PLS1: variants seen among roughly 807,000 people sequenced by gnomAD.
PLS1 encodes plastin-1.
Under a neutral mutation model 73.7 loss-of-function variants are expected in PLS1, and 32 were observed. The observed-to-expected ratio is 0.43, with a 90% CI of 0.33 to 0.58. The LOEUF is 0.58. Ranked by LOEUF, PLS1 falls within the 20% of genes least tolerant of loss-of-function variation. The pLI is 0.04. For missense variants in PLS1, 633 were observed against 740.5 expected (o/e 0.85, Z 1.68); for synonymous variants, 217 against 261.3 (o/e 0.83, Z 1.63).
chr3:142,635,269 A>G (rs1387083773), intron 1 of PLS1, among the ~76,000 whole-genome samples: 1 of 152,118 alleles, frequency 6.6e-6, no homozygotes, highest in Non-Finnish European at 1.5e-5. Context: ...AAGAAAAAAG[A>G]GGAAAAAAGA....
chr3:142,611,738 T>C (rs557195133), intron 1 of PLS1, among the ~76,000 whole-genome samples: 2 of 152,334 alleles, frequency 1.3e-5, no homozygotes, highest in South Asian at 4.1e-4. Context: ...TTGAGGACCA[T>C]TGATTTTATG....
At chr3:142,683,096 A>C (rs1316615444) in intron 6 of PLS1, among the ~76,000 whole-genome samples, 1 of 152,244 alleles carries the variant, frequency 6.6e-6, no homozygotes, top group Non-Finnish European at 1.5e-5. Context: ...GAAGCTGCTG[A>C]AATATTCACT....
At chr3:142,667,707 C>T (rs1470793670) in intron 2 of PLS1, among the ~76,000 whole-genome samples, 2 of 152,062 alleles carry the variant, frequency 1.3e-5, no homozygotes, top group African/African-American at 2.4e-5. Context: ...TTAACATGAT[C>T]GTTATTAGGC....
chr3:142,666,044 T>C (rs1043607779), intron 2 of PLS1, among the ~76,000 whole-genome samples: 3 of 152,156 alleles, frequency 2.0e-5, no homozygotes, highest in African/African-American at 7.2e-5. Flanking sequence ...TGCTAATTTG[T>C]AGCACACTTT....
chr3:142,626,360 T>C (rs1560036029), intron 1 of PLS1, among the ~76,000 whole-genome samples: 1 of 152,194 alleles, frequency 6.6e-6, no homozygotes, highest in Non-Finnish European at 1.5e-5. Flanking sequence ...GTTTGAGTGC[T>C]GTCTACATCA....
intron 1 of PLS1, among the ~76,000 whole-genome samples, chr3:142,651,462 CAAAAAAAAAAAAAA>C (rs57909380): frequency 9.8e-6 from 1 of 102,290 alleles, no homozygotes; most frequent in Non-Finnish European, 1.9e-5. Context: ...AACTCTGTCT[CAAAAAAAAAAAAAA>C]AAAAAAAAAA....
intron 1 of PLS1, among the ~76,000 whole-genome samples, chr3:142,615,608 G>A (rs183074484): frequency 1.3e-5 from 2 of 152,150 alleles, no homozygotes; most frequent in East Asian, 3.9e-4. Context: ...GTGTCCAAAT[G>A]GCCTTCCTAA....
intron 1 of PLS1, among the ~76,000 whole-genome samples, chr3:142,599,323 CTTTTTTTTTT>C (rs869303176): frequency 2.3e-5 from 1 of 44,208 alleles, no homozygotes; most frequent in Non-Finnish European, 4.9e-5. Flanking sequence ...CTCAGATATT[CTTTTTTTTTT>C]TTTTTTTTTT....
At chr3:142,619,744 T>C (rs1317408366) in intron 1 of PLS1, 2 of 152,214 alleles carry the variant, frequency 1.3e-5, no homozygotes, top group African/African-American at 4.8e-5. Context: ...TATTGTGTCC[T>C]TAGAATATTC....
At chr3:142,662,320 A>G (rs2107821868) in intron 1 of PLS1, among the ~76,000 whole-genome samples, 1 of 152,238 alleles carries the variant, frequency 6.6e-6, no homozygotes, top group South Asian at 2.1e-4. Context: ...AGAACGGAAA[A>G]CCATTCTCAC....
At chr3:142,699,961 T>C (rs2038292652) in intron 12 of PLS1, among the ~76,000 whole-genome samples, 1 of 152,200 alleles carries the variant, frequency 6.6e-6, no homozygotes, top group South Asian at 2.1e-4. Flanking sequence ...AGAAAATTTA[T>C]TGACTAATTT....
At chr3:142,708,448 G>C (rs997235320) in intron 14 of PLS1, among the ~76,000 whole-genome samples, 2 of 152,106 alleles carry the variant, frequency 1.3e-5, no homozygotes, top group Non-Finnish European at 2.9e-5. Flanking sequence ...GGGTTTCACC[G>C]TGTTAGCCAG....
chr3:142,681,041 G>T (rs2107879049), intron 6 of PLS1, among the ~76,000 whole-genome samples: 1 of 152,216 alleles, frequency 6.6e-6, no homozygotes, highest in Non-Finnish European at 1.5e-5. Context: ...AAATTGTTGA[G>T]TCTTCTATAG....
intron 1 of PLS1, among the ~76,000 whole-genome samples, chr3:142,643,275 T>A (rs2036880814): frequency 6.6e-6 from 1 of 152,222 alleles, no homozygotes; most frequent in South Asian, 2.1e-4. Context: ...GAGGTGGCTC[T>A]CTTGCAGAGA....
intron 1 of PLS1, among the ~76,000 whole-genome samples, chr3:142,606,377 C>T (rs143772416): frequency 2.8e-4 from 42 of 152,268 alleles, no homozygotes; most frequent in Admixed American, 6.5e-4. Context: ...ATATCAACCA[C>T]ACGTTGTCAA....
chr3:142,649,334 T>G (rs1577836019), intron 1 of PLS1, among the ~76,000 whole-genome samples: 1 of 23,080 alleles, frequency 4.3e-5, no homozygotes, highest in South Asian at 7.3e-4. Flanking sequence ...AGACCCTATG[T>G]CAAAAAAAAA....
intron 1 of PLS1, among the ~76,000 whole-genome samples, chr3:142,632,478 A>G (rs1438196621): frequency 6.6e-6 from 1 of 152,186 alleles, no homozygotes; most frequent in East Asian, 1.9e-4. Flanking sequence ...TTGAGAATGT[A>G]AAATAGTGCA....
At chr3:142,632,232 A>G (rs2036580749) in intron 1 of PLS1, among the ~76,000 whole-genome samples, 1 of 152,182 alleles carries the variant, frequency 6.6e-6, no homozygotes, top group Non-Finnish European at 1.5e-5. Flanking sequence ...TGATGGGGTT[A>G]TATACAAATA....
rs7649271 is a variant in PLS1, at chr3:142,670,783, A to G, written c.235-210A>G. On this transcript the variant is annotated intron_variant, in intron 3 of 15. Coordinates refer to ENST00000457734, the MANE Select transcript of PLS1 (RefSeq NM_001145319.2). ...TGTGTTCAATTTAAGCTTAGTTATA[A>G]AAAATTTATTCCACCGTTTGGGGTT... Among the ~76,000 whole-genome samples, 2,758 of 152,318 alleles carry G rather than the reference A, an allele frequency of 0.018. 83 individuals carry two copies. Among genetic ancestry groups the G allele is most frequent in the African/African-American group, 0.062 (2,588 of 41,572 alleles).
Sources: allele counts gnomAD v4.1 joint callset (sites outside exome capture counted in the v4.1 genomes callset), GRCh38; gene constraint gnomAD v4.1.1; transcripts MANE v1.5; gene names NCBI Gene and HGNC (gene_info 2026-07-23, HGNC 2026-07-21).